Variants in PRKN observed in about 807,000 individuals in gnomAD.
The protein encoded by PRKN is parkin RBR E3 ubiquitin protein ligase.
In PRKN, 56 loss-of-function variants were observed where a neutral mutation model predicts 59.5. The ratio of observed to expected loss-of-function variants is 0.94; its 90% CI spans 0.76 to 1.18. The LOEUF is 1.18. PRKN is among the 50% of genes most tolerant of loss of function. The pLI is 0.00. For synonymous variants in PRKN, 250 were observed against 222.1 expected, an observed-to-expected ratio of 1.13 and a Z score of -1.12; for missense variants, 657 against 596.4, an observed-to-expected ratio of 1.10 and a Z score of -1.06.
intron 9 of PRKN, among the ~76,000 whole-genome samples, chr6:161,406,857 T>A (rs1162314683): frequency 6.6e-6 from 1 of 152,168 alleles, no homozygotes; most frequent in African/African-American, 2.4e-5. Context: ...ATGAATTATG[T>A]CAACACAATT....
chr6:162,672,791 A>C (rs1000475145), intron 1 of PRKN, among the ~76,000 whole-genome samples: 2 of 152,066 alleles, frequency 1.3e-5, no homozygotes, highest in Non-Finnish European at 2.9e-5. Context: ...GTCTACTCTA[A>C]TATTTGTTAC....
At chr6:162,258,029 G>C (rs1482721366) in intron 3 of PRKN, among the ~76,000 whole-genome samples, 1 of 152,138 alleles carries the variant, frequency 6.6e-6, no homozygotes, top group Non-Finnish European at 1.5e-5. Context: ...TTCTGGGCGG[G>C]GGCCTGCCTG....
chr6:161,747,756 G>T (rs1329185859), intron 7 of PRKN, among the ~76,000 whole-genome samples: 1 of 152,170 alleles, frequency 6.6e-6, no homozygotes, highest in Non-Finnish European at 1.5e-5. Context: ...TTGAGGATTT[G>T]CTCTAAGCAC....
At chr6:162,620,572 C>G (rs996748626) in intron 1 of PRKN, among the ~76,000 whole-genome samples, 1 of 152,150 alleles carries the variant, frequency 6.6e-6, no homozygotes, top group Non-Finnish European at 1.5e-5. Flanking sequence ...AAGTTTCAGG[C>G]CTTCATGTAT....
At chr6:162,305,247 A>C (rs1215779438) in intron 2 of PRKN, among the ~76,000 whole-genome samples, 1 of 152,178 alleles carries the variant, frequency 6.6e-6, no homozygotes, top group Non-Finnish European at 1.5e-5. Flanking sequence ...GTGTCTTTGT[A>C]AACGGAAGTG....
chr6:161,390,635 C>T lies in PRKN; in HGVS notation c.1084-3758G>A, dbSNP rs1032877687. Among the ~76,000 whole-genome samples, 44 of 152,030 alleles carry T rather than the reference C, an allele frequency of 2.9e-4. No homozygotes were observed. The highest frequency in any genetic ancestry group is 9.9e-4 in the African/African-American group (41 of 41,372). ...TCCTGAGTAGCTGGGACTACAGGCGCCTGCCACCACGCCCGGCTAATTTTT... is the reference window on the plus strand; with the variant it reads ...TCCTGAGTAGCTGGGACTACAGGCGTCTGCCACCACGCCCGGCTAATTTTT... On this transcript the variant is annotated intron_variant, in intron 9 of 11. Transcript: ENST00000366898. This position sits in a 1 kb window ranked among gnomAD's most constrained non-coding sequence, Gnocchi z 7.0.
At chr6:161,674,947 G>A (rs1785036546) in intron 7 of PRKN, among the ~76,000 whole-genome samples, 1 of 152,178 alleles carries the variant, frequency 6.6e-6, no homozygotes, top group African/African-American at 2.4e-5. Context: ...GACAGTCACC[G>A]TATTTTGCCC....
At chr6:162,308,598 T>A (rs1011641848) in intron 2 of PRKN, among the ~76,000 whole-genome samples, 1 of 152,168 alleles carries the variant, frequency 6.6e-6, no homozygotes, top group African/African-American at 2.4e-5. Context: ...CAATAAACTA[T>A]CCTATTGCAT....
At chr6:161,574,094 T>C (rs1781038320) in intron 7 of PRKN, among the ~76,000 whole-genome samples, 1 of 151,640 alleles carries the variant, frequency 6.6e-6, no homozygotes, top group Non-Finnish European at 1.5e-5. Context: ...AGCATAGACT[T>C]AGATGAGAAG....
intron 7 of PRKN, among the ~76,000 whole-genome samples, chr6:161,572,950 AC>A (rs1780948494): frequency 6.6e-6 from 1 of 152,200 alleles, no homozygotes; most frequent in Non-Finnish European, 1.5e-5. Context: ...TCAAACAAAA[AC>A]TGCTGTGAAA....
chr6:161,425,305 G>T (rs1206867473), intron 9 of PRKN, among the ~76,000 whole-genome samples: 1 of 152,134 alleles, frequency 6.6e-6, no homozygotes, highest in Non-Finnish European at 1.5e-5. Flanking sequence ...ACTGCATTGA[G>T]GTTCTCTACT....
intron 2 of PRKN, among the ~76,000 whole-genome samples, chr6:162,302,430 G>C (rs1782003414): frequency 6.6e-6 from 1 of 152,120 alleles, no homozygotes; most frequent in Admixed American, 6.5e-5. Context: ...TGGTGAAGGA[G>C]ACTTCAATCA....
At chr6:161,753,060 G>T (rs2128195361) in intron 7 of PRKN, among the ~76,000 whole-genome samples, 1 of 152,320 alleles carries the variant, frequency 6.6e-6, no homozygotes, top group African/African-American at 2.4e-5. Context: ...AGCTAAGTTT[G>T]AGATGCCTTT....
chr6:162,235,973 G>GAAAGAAAGAAAGAAAGA (rs1778671991), intron 3 of PRKN, among the ~76,000 whole-genome samples: 1 of 95,986 alleles, frequency 1.0e-5, no homozygotes, highest in African/African-American at 6.5e-5. Context: ...AAGAAAGAAA[G>GAAAGAAAGAAAGAAAGA]AAAGAAAGAA....
In PRKN at chr6:162,145,834, G is replaced by A. The variant is rs144975547; in HGVS notation, c.534+55297C>T. On this transcript the variant is annotated intron_variant, in intron 4 of 11. Coordinates refer to ENST00000366898, the MANE Select transcript of PRKN (RefSeq NM_004562.3). The stretch of plus-strand genomic sequence containing the variant: ...ACTCCTAAACAAACATCTGATGGGC[G>A]GCGAAAAGCAACCAATCAGAGGCTA... Among the ~76,000 whole-genome samples, 211 of 152,182 alleles carry A rather than the reference G, an allele frequency of 1.4e-3. 1 individual carries two copies. Among genetic ancestry groups the A allele is most frequent in the African/African-American group, 4.8e-3 (199 of 41,532 alleles).
At chr6:161,889,501 A>G (rs1795267490) in intron 6 of PRKN, among the ~76,000 whole-genome samples, 1 of 152,222 alleles carries the variant, frequency 6.6e-6, no homozygotes, top group East Asian at 1.9e-4. Context: ...AAGGTTACCT[A>G]CTGCATGGTT....
At chr6:162,112,157 A>G (rs1780466148) in intron 4 of PRKN, among the ~76,000 whole-genome samples, 1 of 152,236 alleles carries the variant, frequency 6.6e-6, no homozygotes, top group Non-Finnish European at 1.5e-5. Context: ...GGGATGTGAA[A>G]ACTCGAATAT....
chr6:162,420,327 T>C (rs774564930), intron 2 of PRKN, among the ~76,000 whole-genome samples: 2 of 152,200 alleles, frequency 1.3e-5, no homozygotes, highest in African/African-American at 4.8e-5. Context: ...ATCAAAATTT[T>C]AGGCACAAAT....
chr6:161,476,671 C>T (rs1791098664), intron 9 of PRKN, among the ~76,000 whole-genome samples: 1 of 152,168 alleles, frequency 6.6e-6, no homozygotes. Context: ...AGGCAGAAGA[C>T]CCACCGATTT....
Sources: allele counts gnomAD v4.1 joint callset (sites outside exome capture counted in the v4.1 genomes callset), GRCh38; gene constraint gnomAD v4.1.1; non-coding constraint Gnocchi (gnomAD v3.1); transcripts MANE v1.5; gene names NCBI Gene and HGNC (gene_info 2026-07-23, HGNC 2026-07-21).